FAM169A: variants seen among roughly 807,000 people sequenced by gnomAD.
The protein encoded by FAM169A is family with sequence similarity 169 member A, also known as soluble lamin-associated protein of 75 kDa.
A neutral mutation model predicts 75.7 loss-of-function variants in FAM169A; 24 were observed. That is an observed-to-expected ratio of 0.32 (90% CI 0.23 to 0.45). The LOEUF (loss-of-function observed/expected upper bound fraction) is 0.45. Among genes scored for constraint, FAM169A ranks in the 20% least tolerant of loss-of-function variants. The pLI, the probability that FAM169A is intolerant of heterozygous loss-of-function variation, is 1.00. For missense variants in FAM169A, 673 were observed against 784.0 expected, an observed-to-expected ratio of 0.86 and a Z score of 1.69; for synonymous variants, 271 against 271.0, an observed-to-expected ratio of 1.00 and a Z score of 0.00.
intron 4 of FAM169A, among the ~76,000 whole-genome samples, chr5:74,835,980 T>C (rs891398861): frequency 1.3e-5 from 2 of 152,212 alleles, no homozygotes; most frequent in African/African-American, 2.4e-5. Context: ...AACATGGTTA[T>C]AAATGAAGGA....
chr5:74,839,112 G>A (rs1748719266), intron 3 of FAM169A, 62 bp from the exon 4 acceptor site: 2 of 1,153,668 alleles, frequency 1.7e-6, no homozygotes, highest in Non-Finnish European at 2.6e-6. Context: ...GACTTAATAA[G>A]GCCATATTGT....
rs961613845 is a variant in FAM169A at position 74,780,720 on chromosome 5, A to C, written c.*740T>G. ...ATATGCAGACAAAAAAAATTACAGC[A>C]AACTAATACTTCAAATGAAATTTTA... is the stretch of plus-strand genomic sequence containing the variant. On this transcript the variant is annotated 3_prime_UTR_variant, in exon 13 of 13. Transcript: ENST00000687041. 2 of 152,216 alleles carry C rather than the reference A, an allele frequency of 1.3e-5. No individual in the cohort carries two copies. The highest frequency in any genetic ancestry group is 1.3e-4 in the Admixed American group (2 of 15,284). 9.4% of individuals were successfully genotyped at this position (152,216 alleles called of 1,614,324 possible).
chr5:74,847,176 T>C (rs1483664605), intron 1 of FAM169A, among the ~76,000 whole-genome samples: 3 of 152,172 alleles, frequency 2.0e-5, no homozygotes, highest in African/African-American at 7.2e-5. Flanking sequence ...TTTAACCATT[T>C]TTAAGTATAC....
intron 12 of FAM169A, 145 bp downstream of exon 12, chr5:74,782,786 A>G: frequency 1.9e-6 from 1 of 518,100 alleles, no homozygotes; most frequent in East Asian, 2.9e-5. Flanking sequence ...TGATTTTCTT[A>G]TAATATCAAA....
chr5:74,815,180 A>T (rs548735168), intron 5 of FAM169A, among the ~76,000 whole-genome samples: 17 of 142,238 alleles, frequency 1.2e-4, no homozygotes, highest in African/African-American at 2.3e-4. Flanking sequence ...AGATATTTTT[A>T]TTTTTTTTCT....
At chr5:74,850,008 C>G (rs1322822968) in intron 1 of FAM169A, among the ~76,000 whole-genome samples, 4 of 152,146 alleles carry the variant, frequency 2.6e-5, no homozygotes, top group Non-Finnish European at 5.9e-5. Flanking sequence ...GTTGGCTCTC[C>G]TTATTTCAAG....
At position 74,781,288 on chromosome 5, in the gene FAM169A, C is replaced by T; in HGVS notation, c.*172G>A. Reference sequence around the variant, plus strand: ...CAAAAATAGCCTGGAAAATTAAAAACAATGGTGAATTCTACGTTCTAAAGG... The same window carrying T: ...CAAAAATAGCCTGGAAAATTAAAAATAATGGTGAATTCTACGTTCTAAAGG... On this transcript the variant is annotated 3_prime_UTR_variant, in exon 13 of 13. Coordinates refer to ENST00000687041, the MANE Select transcript of FAM169A (RefSeq NM_001376049.1). 1.9e-6 allele frequency: 1 copy of T among 517,558 alleles called. No homozygotes were observed. Among genetic ancestry groups the T allele is most frequent in the South Asian group, 4.2e-5 (1 of 24,022 alleles). The allele number at this position is 517,558 out of a possible 1,614,324, so 32.1% of individuals were successfully genotyped here.
chr5:74,862,288 C>T (rs1750077572), intron 1 of FAM169A, among the ~76,000 whole-genome samples: 1 of 152,206 alleles, frequency 6.6e-6, no homozygotes, highest in African/African-American at 2.4e-5. Flanking sequence ...AAAACTCATA[C>T]ACATCCATTC....
intron 11 of FAM169A, among the ~76,000 whole-genome samples, chr5:74,785,051 G>A (rs1745626285): frequency 6.6e-6 from 1 of 152,050 alleles, no homozygotes; most frequent in African/African-American, 2.4e-5. Flanking sequence ...GCCAGGCACC[G>A]TGGCTCACGC....
intron 6 of FAM169A, among the ~76,000 whole-genome samples, chr5:74,811,142 C>T (rs1747173908): frequency 6.6e-6 from 1 of 152,004 alleles, no homozygotes; most frequent in African/African-American, 2.4e-5. Context: ...TGCCACCATG[C>T]CCAGCTAATT....
At chr5:74,861,806 T>C (rs1750049864) in intron 1 of FAM169A, among the ~76,000 whole-genome samples, 1 of 152,238 alleles carries the variant, frequency 6.6e-6, no homozygotes, top group Non-Finnish European at 1.5e-5. Flanking sequence ...TCTTCATTGA[T>C]ATCATTAACA....
intron 1 of FAM169A, among the ~76,000 whole-genome samples, chr5:74,844,647 G>A (rs1224937157): frequency 3.3e-5 from 5 of 151,426 alleles, no homozygotes; most frequent in Middle Eastern, 3.2e-3. Flanking sequence ...GTGAAACCCC[G>A]TCTCTACTAA....
At chr5:74,789,110 C>A (rs1430561996) in intron 11 of FAM169A, among the ~76,000 whole-genome samples, 1 of 152,244 alleles carries the variant, frequency 6.6e-6, no homozygotes, top group African/African-American at 2.4e-5. Context: ...TATATCAACT[C>A]TCCAGATTTG....
intron 6 of FAM169A, among the ~76,000 whole-genome samples, chr5:74,807,796 AATG>A (rs1746966248): frequency 1.3e-5 from 2 of 152,218 alleles, no homozygotes; most frequent in African/African-American, 4.8e-5. Context: ...AAATGAACAA[AATG>A]ATGCCACGTA....
chr5:74,865,126 A>G (rs1303224222), intron 1 of FAM169A, among the ~76,000 whole-genome samples: 1 of 152,232 alleles, frequency 6.6e-6, no homozygotes, highest in Non-Finnish European at 1.5e-5. Context: ...GACAAAATAT[A>G]AATGGCTTGG....
At chr5:74,787,983 C>T (rs1304126480) in intron 11 of FAM169A, among the ~76,000 whole-genome samples, 2 of 152,176 alleles carry the variant, frequency 1.3e-5, no homozygotes, top group Non-Finnish European at 2.9e-5. Flanking sequence ...GACCCCACTA[C>T]AGTAGAGACA....
At chr5:74,850,675 GC>G (rs1354108410) in intron 1 of FAM169A, among the ~76,000 whole-genome samples, 1 of 152,152 alleles carries the variant, frequency 6.6e-6, no homozygotes, top group Non-Finnish European at 1.5e-5. Context: ...ATAAACTGCT[GC>G]AACTAATAAC....
chr5:74,809,198 AACTT>A (rs2112559111), intron 6 of FAM169A, among the ~76,000 whole-genome samples: 1 of 152,322 alleles, frequency 6.6e-6, no homozygotes, highest in Non-Finnish European at 1.5e-5. Flanking sequence ...ATAATTTCAA[AACTT>A]ACTTGCAAAA....
rs765374618 is a variant in FAM169A at position 74,804,603 on chromosome 5, G to A, written c.802C>T (p.Leu268Phe). 2 of 1,558,922 alleles carry A rather than the reference G, an allele frequency of 1.3e-6. No individual in the cohort carries two copies. The highest frequency in any genetic ancestry group is 1.4e-5 in the African/African-American group (1 of 73,640). The part of the protein sequence containing the change: ...LQREALKILA[L>F]SQNEPKRPMS... ...GGTCTTTTAGGTTCATTTTGAGAAA[G>A]TGCTGCGTATAGAAGAATTTTAAAA... Residue 268 changes from leucine to phenylalanine, a missense_variant and splice_region_variant, in exon 8 of 13, where the codon CTT becomes TTT. Physicochemically the swap from Leu to Phe is conservative, Grantham distance 22. Around this residue, in one of 3 missense-constraint regions of FAM169A, gnomAD observed 510 missense variants for 550.9 expected, o/e 0.93. Transcript: ENST00000687041.
Sources: allele counts gnomAD v4.1 joint callset (sites outside exome capture counted in the v4.1 genomes callset), GRCh38; gene constraint gnomAD v4.1.1; regional missense constraint gnomAD v4.1.1; transcripts MANE v1.5; gene names NCBI Gene and HGNC (gene_info 2026-07-23, HGNC 2026-07-21).